ATP2C1: variants seen among roughly 807,000 people sequenced by gnomAD.
The protein encoded by ATP2C1 is ATPase secretory pathway Ca2+ transporting 1, also known as calcium-transporting ATPase type 2C member 1.
In ATP2C1, 31 loss-of-function variants were observed where a neutral mutation model predicts 120.5. The observed-to-expected ratio is 0.26, with a 90% CI of 0.19 to 0.35. The LOEUF is 0.35. Ranked by LOEUF, ATP2C1 falls within the 10% of genes least tolerant of loss-of-function variation. The pLI, the probability that ATP2C1 is intolerant of heterozygous loss-of-function variation, is 1.00. For missense variants in ATP2C1, 731 were observed against 1,107.5 expected (o/e 0.66, Z 4.83); for synonymous variants, 351 against 358.7 (o/e 0.98, Z 0.24).
At chr3:131,008,671 G>C (rs2063206153) in intron 26 of ATP2C1, among the ~76,000 whole-genome samples, 1 of 152,082 alleles carries the variant, frequency 6.6e-6, no homozygotes, top group Non-Finnish European at 1.5e-5. Context: ...TAGAAAGTTT[G>C]CCTACTCATT....
chr3:130,981,745 C>G (rs2061773910), intron 20 of ATP2C1, among the ~76,000 whole-genome samples: 1 of 152,180 alleles, frequency 6.6e-6, no homozygotes, highest in South Asian at 2.1e-4. Context: ...CCTCCTCCCC[C>G]ATTCTGATAA....
At chr3:130,941,252 G>GTCTGTGTGTGTGTGTGTGTGTGTGTC (rs1553764218) in intron 7 of ATP2C1, among the ~76,000 whole-genome samples, 4 of 144,274 alleles carry the variant, frequency 2.8e-5, no homozygotes, top group African/African-American at 1.1e-4. Flanking sequence ...GTGTGTGTGT[G>GTCTGTGTGTGTGTGTGTGTGTGTGTC]TGTGTGTGTG....
chr3:130,903,057 T>G (rs878998502), intron 2 of ATP2C1, among the ~76,000 whole-genome samples: 3 of 152,084 alleles, frequency 2.0e-5, no homozygotes, highest in Admixed American at 2.0e-4. Context: ...TACTATACAT[T>G]ATTTTCTCCA....
In ATP2C1 at chr3:130,975,475, A is replaced by G. The variant is rs1313959411; in HGVS notation, c.1557A>G (p.Ser519=). 6.2e-6 allele frequency: 10 copies of G among 1,613,584 alleles called. No homozygotes were observed. The highest frequency in any genetic ancestry group is 1.7e-5 in the Admixed American group (1 of 59,958). Residue 519 remains serine, a synonymous_variant, in exon 18 of 28, where the codon TCA becomes TCG. Coordinates refer to ENST00000510168, the MANE Select transcript of ATP2C1 (RefSeq NM_001378687.1). ...VYQQEKARMG[S]AGLRVLALAS... is the part of the protein sequence containing the mutation. ...AACAAGAGAAGGCACGCATGGGCTCAGCGGGACTCAGAGGTAAGGCTATTT... is the reference window on the plus strand; with the variant it reads ...AACAAGAGAAGGCACGCATGGGCTCGGCGGGACTCAGAGGTAAGGCTATTT...
chr3:130,943,636 A>G (rs966627667), intron 8 of ATP2C1, among the ~76,000 whole-genome samples: 1 of 152,234 alleles, frequency 6.6e-6, no homozygotes, highest in Non-Finnish European at 1.5e-5. Flanking sequence ...TTTATTCTGC[A>G]GTACTGTAGT....
At chr3:130,915,744 G>GC (rs781492405) in intron 2 of ATP2C1, among the ~76,000 whole-genome samples, 13 of 152,174 alleles carry the variant, frequency 8.5e-5, no homozygotes, top group Non-Finnish European at 1.6e-4. Flanking sequence ...GGTATGGAGT[G>GC]TGCAGGCTGG....
chr3:130,870,350 A>T (rs371588368), intron 1 of ATP2C1, among the ~76,000 whole-genome samples: 23 of 152,260 alleles, frequency 1.5e-4, no homozygotes, highest in Non-Finnish European at 1.0e-4. Flanking sequence ...AACACATTTC[A>T]TAAGGCTATA....
At chr3:130,965,151 A>G (rs1420314297) in intron 14 of ATP2C1, 106 bp downstream of exon 14, 2 of 756,560 alleles carry the variant, frequency 2.6e-6, no homozygotes, top group East Asian at 2.6e-5. Context: ...AGGGCTGTAA[A>G]TTAGTAGTGG....
At chr3:130,927,675 A>C (rs907113177) in intron 2 of ATP2C1, 3 of 152,294 alleles carry the variant, frequency 2.0e-5, no homozygotes, top group African/African-American at 4.8e-5. Flanking sequence ...GAAACAGGCA[A>C]CTGCTATATG....
At chr3:130,960,458 C>T (rs1227303534) in intron 12 of ATP2C1, among the ~76,000 whole-genome samples, 1 of 152,148 alleles carries the variant, frequency 6.6e-6, no homozygotes, top group Non-Finnish European at 1.5e-5. Context: ...TGTCTAGTTA[C>T]AAGTTACTAC....
At chr3:130,921,227 GCC>G (rs58652206) in intron 2 of ATP2C1, among the ~76,000 whole-genome samples, 26,760 of 151,828 alleles carry the variant, frequency 0.18, 2,527 homozygotes, top group Middle Eastern at 0.24. Flanking sequence ...GATTATAGGT[GCC>G]TGCCACCACA....
At chr3:130,905,073 G>C (rs1408833084) in intron 2 of ATP2C1, among the ~76,000 whole-genome samples, 1 of 151,728 alleles carries the variant, frequency 6.6e-6, no homozygotes, top group East Asian at 1.9e-4. Flanking sequence ...TATTTTTCCT[G>C]CTTGCACCAG....
intron 26 of ATP2C1, among the ~76,000 whole-genome samples, chr3:131,015,722 T>TAGGA (rs915839452): frequency 2.0e-5 from 3 of 151,158 alleles, no homozygotes; most frequent in African/African-American, 7.3e-5. Flanking sequence ...GAAATGCAAT[T>TAGGA]AAAAAAAAAT....
chr3:130,902,892 C>G (rs1026709525), intron 2 of ATP2C1, among the ~76,000 whole-genome samples: 6 of 151,934 alleles, frequency 3.9e-5, no homozygotes, highest in African/African-American at 1.2e-4. Context: ...ATTTTCATCT[C>G]TAATACCAAT....
At chr3:130,855,092 A>G (rs1259556697) in intron 1 of ATP2C1, among the ~76,000 whole-genome samples, 2 of 152,086 alleles carry the variant, frequency 1.3e-5, no homozygotes, top group Admixed American at 1.3e-4. Flanking sequence ...AGACTTCTAA[A>G]ATAGTTATTG....
At chr3:130,960,711 G>A (rs142561475) in intron 12 of ATP2C1, among the ~76,000 whole-genome samples, 152 of 152,238 alleles carry the variant, frequency 1.0e-3, no homozygotes, top group African/African-American at 3.4e-3. Flanking sequence ...AAGTGGAGCC[G>A]TGGTAACAAA....
Position 130,959,329 on chromosome 3 carries a change from C to A in ATP2C1, c.887C>A (p.Thr296Asn). ...GGAAAAGATATCCTGGAAATGTTTA[C>A]TATTAGTGTAAGGTAAGTCTCAATA... ...LLGKDILEMFTISVSLAVAAI... is the reference protein window; with the variant it reads ...LLGKDILEMFNISVSLAVAAI... The change falls in exon 12 of 28, where the codon ACT becomes AAT. Residue 296 changes from threonine to asparagine, a missense_variant. By Grantham distance (65) the Thr-to-Asn change is moderately conservative (BLOSUM62 0). Coordinates refer to ENST00000510168, the MANE Select transcript of ATP2C1 (RefSeq NM_001378687.1). The A allele has an allele frequency of 6.2e-7, 1 of 1,605,568 alleles. No individual in the cohort carries two copies. The highest frequency in any genetic ancestry group is 8.5e-7 in the Non-Finnish European group (1 of 1,173,040).
At chr3:130,878,708 C>T (rs1218866798) in intron 1 of ATP2C1, among the ~76,000 whole-genome samples, 30 of 152,024 alleles carry the variant, frequency 2.0e-4, no homozygotes, top group Admixed American at 2.0e-3. Context: ...TATATTATCC[C>T]ATTCTCTCCT....
In ATP2C1 at chr3:130,986,864, ATTAGTTTAGTTTAGT is replaced by A. The variant is rs1230278748; in HGVS notation, c.1840-6040_1840-6026del. ...TGTTTATTTGGCCTTCAGCTTTTTGATTAGTTTAGTTTAGTTTAGTTTAGTTTAGTTTAGTTTAGT... is the reference window on the plus strand; with the variant it reads ...TGTTTATTTGGCCTTCAGCTTTTTGATTAGTTTAGTTTAGTTTAGTTTAGT... On this transcript the variant is annotated intron_variant, in intron 20 of 27. Coordinates refer to ENST00000510168, the MANE Select transcript of ATP2C1 (RefSeq NM_001378687.1). Among the ~76,000 whole-genome samples, 1,155 of 137,372 alleles carry A rather than the reference ATTAGTTTAGTTTAGT, an allele frequency of 8.4e-3. 12 individuals are homozygous for A. Among genetic ancestry groups the A allele is most frequent in the African/African-American group, 0.016 (616 of 37,390 alleles). The allele number at this position is 137,372 out of a possible 152,430, so 90.1% of individuals were successfully genotyped here.
Sources: gnomAD v4.1 joint callset for allele counts (sites outside exome capture counted in the v4.1 genomes callset) on GRCh38, gnomAD v4.1.1 for gene constraint, MANE v1.5 for transcripts, NCBI Gene and HGNC (gene_info 2026-07-23, HGNC 2026-07-21) for gene names.